The following MPC2 variants were observed in gnomAD, a reference collection of about 807,000 sequenced individuals.
MPC2 encodes the protein brain protein 44.
In MPC2, 19 loss-of-function variants were observed where a neutral mutation model predicts 19.2. That is an observed-to-expected ratio of 0.99 (90% CI 0.69 to 1.45). MPC2 has a LOEUF of 1.45. MPC2 is among the 40% of genes most tolerant of loss of function. The pLI is 0.00. For synonymous variants in MPC2, 61 were observed against 54.3 expected, an observed-to-expected ratio of 1.12 and a Z score of -0.54; for missense variants, 122 against 153.0, an observed-to-expected ratio of 0.80 and a Z score of 1.07.
At chr1:167,925,758 AGGCTG>A (rs1457925938) in intron 2 of MPC2, among the ~76,000 whole-genome samples, 5 of 151,786 alleles carry the variant, frequency 3.3e-5, no homozygotes, top group Admixed American at 2.0e-4. Context: ...CATGTTGGCC[AGGCTG>A]GTCTCAAACT....
At chr1:167,925,450 T>TATATAC (rs1553200815) in intron 2 of MPC2, among the ~76,000 whole-genome samples, 18 of 107,848 alleles carry the variant, frequency 1.7e-4, no homozygotes, top group Non-Finnish European at 2.8e-4. Flanking sequence ...CACATATATA[T>TATATAC]ATATATATAT....
chr1:167,935,523 G>A (rs574986521), intron 2 of MPC2, among the ~76,000 whole-genome samples: 95 of 152,196 alleles, frequency 6.2e-4, no homozygotes, highest in Non-Finnish European at 1.2e-3. Flanking sequence ...GGTGGGGAAG[G>A]GAGCTGACTT....
chr1:167,936,641 C>T, intron 1 of MPC2: 1 of 391,074 alleles, frequency 2.6e-6, no homozygotes, highest in East Asian at 5.2e-5. Context: ...CCGCCTCCTC[C>T]TGTTGGAGGG....
chr1:167,936,093 G>GGGA, intron 1 of MPC2, 195 bp from the exon 2 acceptor site: 1 of 561,038 alleles, frequency 1.8e-6, no homozygotes, highest in Non-Finnish European at 3.3e-6. Context: ...GCAGGAGAGA[G>GGGA]GGAGGAGCCA....
At chr1:167,936,173 G>A (rs1846416) in intron 1 of MPC2, 59,712 of 283,972 alleles carry the variant, frequency 0.21, 7,407 homozygotes, top group Admixed American at 0.37. Flanking sequence ...CGCTTGCGCA[G>A]GCCGAGCTGC....
intron 3 of MPC2, among the ~76,000 whole-genome samples, chr1:167,921,187 T>C (rs1323770527): frequency 1.3e-5 from 2 of 152,146 alleles, no homozygotes; most frequent in Non-Finnish European, 2.9e-5. Flanking sequence ...TTTAAAAGTA[T>C]AAATATCAGA....
intron 5 of MPC2, among the ~76,000 whole-genome samples, chr1:167,918,814 C>T (rs772589408): frequency 6.6e-6 from 1 of 151,902 alleles, no homozygotes; most frequent in Non-Finnish European, 1.5e-5. Flanking sequence ...AGGATGGTCT[C>T]GATCTCCTGA....
At chr1:167,920,465 A>G (rs1055285997) in intron 4 of MPC2, 82 bp downstream of exon 4, 6 of 1,389,082 alleles carry the variant, frequency 4.3e-6, no homozygotes, top group Admixed American at 2.0e-5. Context: ...TCAAACACTA[A>G]GCCACTAAAT....
In MPC2 at chr1:167,920,630, C is replaced by A; in HGVS notation, c.152G>T (p.Gly51Val). Residue 51 changes from glycine (G) to valine (V), a missense_variant and splice_region_variant, in exon 4 of 6, where the codon GGG becomes GTG. By Grantham distance (109) the Gly-to-Val change is moderately radical. Transcript: ENST00000271373. Reference sequence around the variant, plus strand: ...ATCAGCCAATCCAGCACACACCAACCCCTACACATTAACGCATAGAAAGAA... The same window carrying A: ...ATCAGCCAATCCAGCACACACCAACACCTACACATTAACGCATAGAAAGAA... ...VFFWAPIMKW[G>V]LVCAGLADMA... 6.2e-7 allele frequency: 1 copy of A among 1,611,562 alleles called. No individual in the cohort carries two copies. The highest frequency in any genetic ancestry group is 8.5e-7 in the Non-Finnish European group (1 of 1,178,884).
chr1:167,927,067 T>C (rs762170934), intron 2 of MPC2, among the ~76,000 whole-genome samples: 5 of 152,226 alleles, frequency 3.3e-5, no homozygotes, highest in Non-Finnish European at 5.9e-5. Context: ...ATAATAGGTA[T>C]GTGCCAACAG....
At chr1:167,926,035 G>A (rs1265189993) in intron 2 of MPC2, among the ~76,000 whole-genome samples, 2 of 152,172 alleles carry the variant, frequency 1.3e-5, no homozygotes, top group African/African-American at 4.8e-5. Flanking sequence ...GGTATCATTA[G>A]AATAATTCTT....
Position 167,920,448 on chromosome 1 carries a change from G to C in MPC2, c.235+99C>G. The C allele has an allele frequency of 3.4e-6, 4 of 1,173,802 alleles. No individual in the cohort carries two copies. The South Asian group carries it at 5.9e-5, about 17-fold the overall frequency. The allele number at this position is 1,173,802 out of a possible 1,614,324, so 72.7% of individuals were successfully genotyped here. A position where few individuals can be genotyped will look rare whatever the true frequency, so the allele number is the denominator to read the frequency against. ...ATACTGTTAATTCCTTTGTGTGTGG[G>C]TGTATTTCAAACACTAAGCCACTAA... On this transcript the variant is annotated intron_variant, in intron 4 of 5. Transcript: ENST00000271373.
chr1:167,920,941 C>T (rs1455124960), intron 3 of MPC2, among the ~76,000 whole-genome samples: 2 of 151,784 alleles, frequency 1.3e-5, no homozygotes, highest in African/African-American at 4.8e-5. Flanking sequence ...TTTTTTTGGT[C>T]TACCTATTTC....
rs986166646 is a variant in MPC2 at position 167,917,840 on chromosome 1, C to T, written c.*483G>A. ...TATACAACATTTATACAAAAATCAT[C>T]AAGATTCTTCATGGCAAGTTAAAAT... is the stretch of plus-strand genomic sequence containing the variant. On this transcript the variant is annotated 3_prime_UTR_variant, in exon 6 of 6. Coordinates refer to ENST00000271373, the MANE Select transcript of MPC2 (RefSeq NM_001143674.4). 6.6e-6 allele frequency: 1 copy of T among 152,372 alleles called. No homozygotes were observed. The highest frequency in any genetic ancestry group is 1.5e-5 in the Non-Finnish European group (1 of 68,166). 9.4% of individuals were successfully genotyped at this position (152,372 alleles called of 1,614,324 possible). A position where few individuals can be genotyped will look rare whatever the true frequency, so the allele number is the denominator to read the frequency against.
chr1:167,924,722 C>T (rs1283780826), intron 2 of MPC2, among the ~76,000 whole-genome samples, 185 bp from the exon 3 acceptor site: 5 of 152,116 alleles, frequency 3.3e-5, no homozygotes, highest in African/African-American at 1.2e-4. Context: ...TATCACAGTA[C>T]AGTTGACCCT....
chr1:167,921,077 T>C (rs950862100), intron 3 of MPC2, among the ~76,000 whole-genome samples: 2 of 152,192 alleles, frequency 1.3e-5, no homozygotes, highest in East Asian at 1.9e-4. Context: ...AATGTTATCA[T>C]TTTTAAATTA....
At position 167,935,803 on chromosome 1, in the gene MPC2, G is replaced by A. The variant is rs2102570495; in HGVS notation, c.39C>T (p.Tyr13=). Residue 13 remains tyrosine (Y), a synonymous_variant, in exon 2 of 6, where the codon TAC becomes TAT. Coordinates refer to ENST00000271373, the MANE Select transcript of MPC2 (RefSeq NM_001143674.4). ...GCTCCACTTTATCGAGGAGCCGGTGGTAGGTGGCCCGCAGGCCTCGGGCAC... is the reference window on the plus strand; with the variant it reads ...GCTCCACTTTATCGAGGAGCCGGTGATAGGTGGCCCGCAGGCCTCGGGCAC... ...AAGARGLRAT[Y]HRLLDKVELM... The A allele has an allele frequency of 1.3e-6, 2 of 1,558,096 alleles. No individual in the cohort carries two copies. The highest frequency in any genetic ancestry group is 2.1e-4 in the Middle Eastern group (1 of 4,718).
chr1:167,920,770 T>G (rs1027367368), intron 3 of MPC2, 139 bp from the exon 4 acceptor site: 1 of 859,022 alleles, frequency 1.2e-6, no homozygotes, highest in South Asian at 2.0e-5. Context: ...TAAGAAAATG[T>G]AGATTACAAC....
intron 3 of MPC2, among the ~76,000 whole-genome samples, chr1:167,923,805 A>G (rs898279978): frequency 6.6e-6 from 1 of 152,092 alleles, no homozygotes; most frequent in Non-Finnish European, 1.5e-5. Flanking sequence ...CCACATCTAG[A>G]GTTTCAGATT....
Sources: gnomAD v4.1 joint callset for allele counts (sites outside exome capture counted in the v4.1 genomes callset) on GRCh38, gnomAD v4.1.1 for gene constraint, MANE v1.5 for transcripts, NCBI Gene and HGNC (gene_info 2026-07-23, HGNC 2026-07-21) for gene names.